SNX24: variants seen among roughly 807,000 people sequenced by gnomAD.
SNX24 encodes the protein sorting nexin-24.
A neutral mutation model predicts 28.7 loss-of-function variants in SNX24; 22 were observed. That is an observed-to-expected ratio of 0.77 (90% CI 0.55 to 1.10). SNX24 has a LOEUF of 1.10. Ranked by LOEUF, SNX24 falls within the 50% of genes least tolerant of loss-of-function variation. SNX24 has a pLI of 0.00. For synonymous variants in SNX24, 69 were observed against 71.5 expected (o/e 0.96, Z 0.18); for missense variants, 221 against 201.1 (o/e 1.10, Z -0.60).
chr5:122,961,479 TTCTTG>T (rs1398843580), intron 3 of SNX24, among the ~76,000 whole-genome samples: 4 of 152,232 alleles, frequency 2.6e-5, no homozygotes, highest in African/African-American at 9.6e-5. Flanking sequence ...CTGTTCTTTG[TTCTTG>T]TTAAAGATTG....
chr5:123,024,020 A>G, intron 5 of SNX24: 1 of 1,610,344 alleles, frequency 6.2e-7, no homozygotes, highest in Non-Finnish European at 8.5e-7. Context: ...AGAGAAAAGT[A>G]GACACATGGT....
intron 1 of SNX24, among the ~76,000 whole-genome samples, chr5:122,917,160 G>A (rs1237509870): frequency 6.6e-6 from 1 of 151,862 alleles, no homozygotes; most frequent in Non-Finnish European, 1.5e-5. Context: ...GAGAGGCTGA[G>A]GCAGGAGAAC....
chr5:122,892,952 G>T (rs1415992496), intron 1 of SNX24, among the ~76,000 whole-genome samples: 4 of 151,238 alleles, frequency 2.6e-5, no homozygotes, highest in African/African-American at 9.7e-5. Context: ...TTTTAGTAGA[G>T]ATGGGGTTTC....
At chr5:122,945,170 CCATCGTCA>C (rs1348143738) in intron 2 of SNX24, among the ~76,000 whole-genome samples, 3 of 152,126 alleles carry the variant, frequency 2.0e-5, no homozygotes, top group Non-Finnish European at 4.4e-5. Flanking sequence ...GCCTCTTTCT[CCATCGTCA>C]GAGTCAGAGA....
chr5:123,015,046 C>G (rs962568983), intron 5 of SNX24, among the ~76,000 whole-genome samples: 5 of 152,212 alleles, frequency 3.3e-5, no homozygotes, highest in African/African-American at 1.2e-4. Flanking sequence ...TTGCTTCCTT[C>G]AGAGCTGCTA....
chr5:122,923,052 A>G (rs887509501), intron 1 of SNX24, among the ~76,000 whole-genome samples: 15 of 152,174 alleles, frequency 9.9e-5, no homozygotes, highest in Admixed American at 5.9e-4. Flanking sequence ...GAATTAAGCC[A>G]GGCATCATAG....
At chr5:123,022,724 A>G (rs1139334) in intron 5 of SNX24, 35,349 of 152,360 alleles carry the variant, frequency 0.23, 5,243 homozygotes, top group Non-Finnish European at 0.34. Context: ...GGCTTAAGTA[A>G]TCATCCCACC....
At chr5:122,886,314 C>G (rs969367277) in intron 1 of SNX24, among the ~76,000 whole-genome samples, 9 of 152,124 alleles carry the variant, frequency 5.9e-5, no homozygotes, top group African/African-American at 1.4e-4. Flanking sequence ...TATTTGATTA[C>G]TGGTACATTT....
intron 1 of SNX24, among the ~76,000 whole-genome samples, chr5:122,904,247 A>G (rs555849008): frequency 1.3e-5 from 2 of 152,214 alleles, no homozygotes; most frequent in African/African-American, 4.8e-5. Flanking sequence ...CAATGGCACA[A>G]TCTCGGCTCG....
intron 1 of SNX24, among the ~76,000 whole-genome samples, chr5:122,913,551 G>A (rs192118247): frequency 0.012 from 1,781 of 152,184 alleles, 29 homozygotes; most frequent in African/African-American, 0.041. Flanking sequence ...CAGACAGGGC[G>A]GCTGCTGGGC....
chr5:122,891,640 C>T (rs1020037417), intron 1 of SNX24, among the ~76,000 whole-genome samples: 2 of 152,172 alleles, frequency 1.3e-5, no homozygotes, highest in African/African-American at 4.8e-5. Flanking sequence ...CCAAAGAAGG[C>T]CTCTCATGAT....
In SNX24 at chr5:122,975,703, A is replaced by G. The variant is rs995114382; in HGVS notation, c.250-24209A>G. Among the ~76,000 whole-genome samples the G allele has an allele frequency of 6.6e-5, 10 of 152,350 alleles. No individual in the cohort carries two copies. In the South Asian group the frequency reaches 2.1e-3, roughly 32 times the overall value. On this transcript the variant is annotated intron_variant, in intron 3 of 6. Transcript: ENST00000261369. ...TCTAATAAGAAAATTGGCAGAATTC[A>G]TTCATTTAAAAATCATTATAAATGA...
intron 3 of SNX24, among the ~76,000 whole-genome samples, chr5:122,989,192 A>T (rs964194730): frequency 1.3e-5 from 2 of 152,164 alleles, no homozygotes; most frequent in Non-Finnish European, 2.9e-5. Flanking sequence ...AAATCCAAGG[A>T]CTTAACTAAA....
At chr5:122,850,771 G>C (rs2150030234) in intron 1 of SNX24, among the ~76,000 whole-genome samples, 1 of 145,996 alleles carries the variant, frequency 6.8e-6, no homozygotes, top group African/African-American at 2.6e-5. Context: ...GGCTCTAAGG[G>C]GACATTCAGC....
At chr5:122,916,807 C>T (rs1011017295) in intron 1 of SNX24, among the ~76,000 whole-genome samples, 2 of 152,084 alleles carry the variant, frequency 1.3e-5, no homozygotes, top group African/African-American at 4.8e-5. Flanking sequence ...TCAGCCTTAT[C>T]GGGGGGTGTG....
At chr5:123,029,206 C>G in intron 5 of SNX24, 1 of 1,592,512 alleles carries the variant, frequency 6.3e-7, no homozygotes, top group Non-Finnish European at 8.6e-7. Context: ...TAAGGTTCAT[C>G]TGACATACTA....
chr5:122,874,732 A>G (rs1348554127), intron 1 of SNX24, among the ~76,000 whole-genome samples: 1 of 152,188 alleles, frequency 6.6e-6, no homozygotes, highest in Non-Finnish European at 1.5e-5. Flanking sequence ...GTGTAGTTGA[A>G]GAGTGAACTC....
At chr5:122,994,141 T>C (rs969825118) in intron 3 of SNX24, among the ~76,000 whole-genome samples, 2 of 152,268 alleles carry the variant, frequency 1.3e-5, no homozygotes, top group South Asian at 2.1e-4. Flanking sequence ...TCTTAGAAGG[T>C]TAGCAAAGTG....
chr5:122,957,376 A>G (rs142911761), intron 3 of SNX24, among the ~76,000 whole-genome samples: 1 of 152,256 alleles, frequency 6.6e-6, no homozygotes, highest in East Asian at 1.9e-4. Context: ...ATTGGTCTAT[A>G]TGTCTATCAT....
Sources: gnomAD v4.1 joint callset for allele counts (sites outside exome capture counted in the v4.1 genomes callset) on GRCh38, gnomAD v4.1.1 for gene constraint, MANE v1.5 for transcripts, NCBI Gene and HGNC (gene_info 2026-07-23, HGNC 2026-07-21) for gene names.